SLCO6A1: variants seen among roughly 807,000 people sequenced by gnomAD.
SLCO6A1 encodes the protein solute carrier organic anion transporter family member 6A1.
Under a neutral mutation model 72.7 loss-of-function variants are expected in SLCO6A1, and 65 were observed. The ratio of observed to expected loss-of-function variants is 0.89; its 90% CI spans 0.73 to 1.10. SLCO6A1 has a LOEUF of 1.10. Ranked by LOEUF, SLCO6A1 falls within the 50% of genes least tolerant of loss-of-function variation. The pLI is 0.00. For synonymous variants in SLCO6A1, 314 were observed against 298.2 expected (o/e 1.05, Z -0.55); for missense variants, 874 against 872.6 (o/e 1.00, Z -0.02).
chr5:102,455,136 G>A (rs1001858638), intron 6 of SLCO6A1, among the ~76,000 whole-genome samples: 1 of 151,286 alleles, frequency 6.6e-6, no homozygotes, highest in African/African-American at 2.4e-5. Flanking sequence ...ATAGAGAAGA[G>A]AGACAATGAC....
At chr5:102,447,115 G>A (rs949448184) in intron 6 of SLCO6A1, among the ~76,000 whole-genome samples, 1 of 152,128 alleles carries the variant, frequency 6.6e-6, no homozygotes, top group Non-Finnish European at 1.5e-5. Context: ...TGCATCTATC[G>A]AGATGATCAT....
intron 4 of SLCO6A1, among the ~76,000 whole-genome samples, chr5:102,466,417 A>G (rs554600399): frequency 1.3e-5 from 2 of 152,142 alleles, no homozygotes; most frequent in African/African-American, 4.8e-5. Context: ...TTCTTTGTCC[A>G]GTCTATCATT....
At chr5:102,452,912 T>C (rs893585072) in intron 6 of SLCO6A1, among the ~76,000 whole-genome samples, 7 of 152,210 alleles carry the variant, frequency 4.6e-5, no homozygotes, top group African/African-American at 1.7e-4. Context: ...CCATTGGATT[T>C]CAAGAAAATG....
intron 7 of SLCO6A1, among the ~76,000 whole-genome samples, chr5:102,435,434 G>A (rs977450592): frequency 6.6e-6 from 1 of 152,064 alleles, no homozygotes; most frequent in African/African-American, 2.4e-5. Context: ...GTTACCCAAC[G>A]TGCCTCCCTG....
At chr5:102,457,893 A>G (rs1750814547) in intron 6 of SLCO6A1, among the ~76,000 whole-genome samples, 1 of 152,196 alleles carries the variant, frequency 6.6e-6, no homozygotes, top group African/African-American at 2.4e-5. Flanking sequence ...AAAATGTGGC[A>G]TATATACACC....
At chr5:102,491,782 A>G (rs1447273498) in intron 1 of SLCO6A1, among the ~76,000 whole-genome samples, 2 of 152,204 alleles carry the variant, frequency 1.3e-5, no homozygotes, top group African/African-American at 4.8e-5. Context: ...GCCAGCCCAG[A>G]AAGGGGCTCC....
intron 10 of SLCO6A1, among the ~76,000 whole-genome samples, chr5:102,396,120 C>G (rs968033279): frequency 6.6e-6 from 1 of 152,100 alleles, no homozygotes; most frequent in Non-Finnish European, 1.5e-5. Flanking sequence ...CTTGCCCATG[C>G]CTATGTGCTG....
chr5:102,417,820 T>C (rs563568953), intron 8 of SLCO6A1, among the ~76,000 whole-genome samples: 38 of 152,040 alleles, frequency 2.5e-4, no homozygotes, highest in African/African-American at 8.7e-4. Flanking sequence ...TGGTGAACCC[T>C]GTCTCTACTA....
intron 9 of SLCO6A1, 60 bp from the exon 10 acceptor site, chr5:102,399,802 TATC>T: frequency 8.2e-7 from 1 of 1,218,674 alleles, no homozygotes; most frequent in African/African-American, 1.5e-5. Context: ...CAAAAGTTCT[TATC>T]ATAAAATAAA....
intron 6 of SLCO6A1, among the ~76,000 whole-genome samples, chr5:102,445,092 A>T (rs529582224): frequency 7.9e-5 from 12 of 152,282 alleles, no homozygotes; most frequent in Non-Finnish European, 1.6e-4. Context: ...ATATCCAGTA[A>T]TGGATTGCTG....
intron 4 of SLCO6A1, among the ~76,000 whole-genome samples, chr5:102,464,612 T>G (rs928510677): frequency 6.6e-6 from 1 of 152,118 alleles, no homozygotes; most frequent in Non-Finnish European, 1.5e-5. Flanking sequence ...CATTACCACC[T>G]GAAAAGGTGC....
intron 7 of SLCO6A1, among the ~76,000 whole-genome samples, chr5:102,422,030 C>T (rs6880379): frequency 0.026 from 3,986 of 152,264 alleles, 126 homozygotes; most frequent in African/African-American, 0.079. Flanking sequence ...AGAAGAGAAG[C>T]CTTACTGTTA....
chr5:102,450,217 G>A (rs1379665526), intron 6 of SLCO6A1, among the ~76,000 whole-genome samples: 1 of 152,168 alleles, frequency 6.6e-6, no homozygotes, highest in African/African-American at 2.4e-5. Flanking sequence ...TTTTAGAGTT[G>A]CCAGGCTTTT....
intron 8 of SLCO6A1, among the ~76,000 whole-genome samples, chr5:102,414,877 A>C (rs1561441660): frequency 6.6e-6 from 1 of 151,834 alleles, no homozygotes; most frequent in Non-Finnish European, 1.5e-5. Flanking sequence ...CCTGGGCAAA[A>C]AGAGTGAAAC....
intron 7 of SLCO6A1, among the ~76,000 whole-genome samples, chr5:102,421,620 G>A (rs28801682): frequency 2.8e-3 from 424 of 152,262 alleles, no homozygotes; most frequent in Middle Eastern, 6.8e-3. Context: ...AGCAGCCCCA[G>A]TCTGGGGCTT....
chr5:102,383,086 A>G lies in SLCO6A1; in HGVS notation c.2017+5602T>C, dbSNP rs530685838. Among the ~76,000 whole-genome samples the G allele has an allele frequency of 3.3e-3, 380 of 116,316 alleles. 2 individuals are homozygous for G. The highest frequency in any genetic ancestry group is 0.014 in the African/African-American group (351 of 25,978). 76.3% of individuals were successfully genotyped at this position (116,316 alleles called of 152,430 possible). A position where few individuals can be genotyped will look rare whatever the true frequency, so the allele number is the denominator to read the frequency against. ...CAAAAACTATATATAGTGTATGTAT[A>G]TGTGTGTGAATATATATATATATAG... On this transcript the variant is annotated intron_variant, in intron 12 of 13. Coordinates refer to ENST00000506729, the MANE Select transcript of SLCO6A1 (RefSeq NM_173488.5).
chr5:102,453,930 C>T (rs529867638), intron 6 of SLCO6A1, among the ~76,000 whole-genome samples: 65 of 152,308 alleles, frequency 4.3e-4, no homozygotes, highest in South Asian at 1.2e-3. Flanking sequence ...TATGTAAGGA[C>T]TTGTGCTCAG....
chr5:102,478,355 G>C (rs1298472408), intron 2 of SLCO6A1, among the ~76,000 whole-genome samples: 1 of 152,004 alleles, frequency 6.6e-6, no homozygotes, highest in Non-Finnish European at 1.5e-5. Flanking sequence ...TTGACCCTAG[G>C]CTAAAAGTAT....
intron 1 of SLCO6A1, among the ~76,000 whole-genome samples, chr5:102,494,104 T>G (rs962550652): frequency 6.6e-6 from 1 of 152,094 alleles, no homozygotes; most frequent in African/African-American, 2.4e-5. Context: ...AAAATAGAAC[T>G]GAATAGAAAG....
Sources: allele counts gnomAD v4.1 joint callset (sites outside exome capture counted in the v4.1 genomes callset), GRCh38; gene constraint gnomAD v4.1.1; transcripts MANE v1.5; gene names NCBI Gene and HGNC (gene_info 2026-07-23, HGNC 2026-07-21).